Variants in STK33 observed in about 807,000 individuals in gnomAD.
The protein encoded by STK33 is serine/threonine-protein kinase 33.
STK33 carries 52 observed loss-of-function variants against 58.0 expected under a neutral mutation model. The ratio of observed to expected loss-of-function variants is 0.90; its 90% CI spans 0.72 to 1.13. The LOEUF (loss-of-function observed/expected upper bound fraction) is 1.13, where lower values mean the gene tolerates loss of function less well. STK33 is among the 50% of genes most tolerant of loss of function. STK33 has a pLI of 0.00. For synonymous variants in STK33, 215 were observed against 200.1 expected (o/e 1.07, Z -0.63); for missense variants, 630 against 604.2 (o/e 1.04, Z -0.45).
the STK33 span, among the ~76,000 whole-genome samples, chr11:8,336,830 G>C: frequency 4.6e-5 from 7 of 152,246 alleles, no homozygotes; most frequent in Non-Finnish European, 8.8e-5. Flanking sequence ...TGGGGCCCGC[G>C]GGCTGCAAGG....
intron 10 of STK33, 97 bp downstream of exon 10, chr11:8,454,647 C>A: frequency 7.3e-7 from 1 of 1,377,632 alleles, no homozygotes; most frequent in Non-Finnish European, 9.6e-7. Context: ...TCTGGCTGCT[C>A]AAAAGCTAGC....
the STK33 span, among the ~76,000 whole-genome samples, chr11:8,344,973 G>T: frequency 6.6e-6 from 1 of 152,212 alleles, no homozygotes; most frequent in Non-Finnish European, 1.5e-5. Context: ...GCCTGGCAAA[G>T]ACCCCAAGGT....
chr11:8,525,805 A>G (rs1003061272), intron 1 of STK33, among the ~76,000 whole-genome samples: 1 of 152,220 alleles, frequency 6.6e-6, no homozygotes, highest in Non-Finnish European at 1.5e-5. Context: ...AACACGTGAT[A>G]AAGAGCTTAT....
chr11:8,510,420 GT>G (rs1391014090), intron 1 of STK33, among the ~76,000 whole-genome samples: 1 of 152,130 alleles, frequency 6.6e-6, no homozygotes, highest in Non-Finnish European at 1.5e-5. Flanking sequence ...CAGATATGTA[GT>G]TGGAGAATAT....
intron 1 of STK33, among the ~76,000 whole-genome samples, chr11:8,516,082 C>G (rs1386871889): frequency 6.6e-6 from 1 of 152,158 alleles, no homozygotes; most frequent in Non-Finnish European, 1.5e-5. Context: ...CATGCAACCA[C>G]AAAAGACCAC....
intron 1 of STK33, chr11:8,565,743 G>A (rs1434556895): frequency 2.0e-5 from 3 of 152,178 alleles, no homozygotes; most frequent in African/African-American, 7.2e-5. Context: ...TGCTGCCTCT[G>A]AAGACTTCTT....
chr11:8,582,970 T>A (rs2030682487), intron 1 of STK33, among the ~76,000 whole-genome samples: 1 of 152,236 alleles, frequency 6.6e-6, no homozygotes, highest in Non-Finnish European at 1.5e-5. Context: ...ATCTGATGGA[T>A]ACTGACATGG....
At chr11:8,557,704 T>C (rs1956861725) in intron 1 of STK33, among the ~76,000 whole-genome samples, 1 of 151,746 alleles carries the variant, frequency 6.6e-6, no homozygotes, top group Non-Finnish European at 1.5e-5. Flanking sequence ...CAGCATTCAA[T>C]GAAAGATTTT....
At chr11:8,412,507 T>C (rs1454176718) in intron 15 of STK33, among the ~76,000 whole-genome samples, 1 of 152,230 alleles carries the variant, frequency 6.6e-6, no homozygotes. Flanking sequence ...ACCATGTCCC[T>C]TTCTGTAAGT....
At chr11:8,591,841 G>A (rs915678553) in intron 1 of STK33, among the ~76,000 whole-genome samples, 1 of 147,664 alleles carries the variant, frequency 6.8e-6, no homozygotes, top group Non-Finnish European at 1.5e-5. Flanking sequence ...GTTGTGGGGT[G>A]GGGGGGAGTG....
chr11:8,507,778 A>G (rs926355428), intron 1 of STK33, among the ~76,000 whole-genome samples: 3 of 152,224 alleles, frequency 2.0e-5, no homozygotes, highest in Admixed American at 6.5e-5. Flanking sequence ...ATGAGCACCT[A>G]TAATACGACT....
At chr11:8,577,322 G>A (rs981142330) in intron 1 of STK33, among the ~76,000 whole-genome samples, 1 of 151,976 alleles carries the variant, frequency 6.6e-6, no homozygotes, top group Admixed American at 6.6e-5. Flanking sequence ...ACAAAAAATA[G>A]CAGAAGGAAA....
the STK33 span, among the ~76,000 whole-genome samples, chr11:8,372,278 G>A: frequency 2.2e-5 from 3 of 137,668 alleles, no homozygotes; most frequent in African/African-American, 4.9e-5. Context: ...AACACCAATC[G>A]GGCCCTTGTA....
chr11:8,586,865 C>T (rs1261926183), intron 1 of STK33, among the ~76,000 whole-genome samples: 1 of 151,032 alleles, frequency 6.6e-6, no homozygotes, highest in Non-Finnish European at 1.5e-5. Flanking sequence ...TAGCTTGTTT[C>T]CCTCCACAAC....
chr11:8,415,636 A>C (rs986435071), intron 14 of STK33, among the ~76,000 whole-genome samples: 7 of 152,094 alleles, frequency 4.6e-5, no homozygotes, highest in Non-Finnish European at 7.4e-5. Flanking sequence ...ATTTGTCATC[A>C]CCCAAGCATA....
intron 1 of STK33, among the ~76,000 whole-genome samples, chr11:8,568,279 C>T (rs1042790370): frequency 6.6e-6 from 1 of 152,162 alleles, no homozygotes; most frequent in Non-Finnish European, 1.5e-5. Context: ...TCAATGTAAA[C>T]ATGAACTCAT....
chr11:8,494,073 A>C (rs1950858486), intron 1 of STK33, among the ~76,000 whole-genome samples: 1 of 152,224 alleles, frequency 6.6e-6, no homozygotes, highest in South Asian at 2.1e-4. Flanking sequence ...TTCCTATTCA[A>C]CAAAGTATTG....
At chr11:8,364,883 A>G in the STK33 span, among the ~76,000 whole-genome samples, 2 of 151,958 alleles carry the variant, frequency 1.3e-5, no homozygotes. Flanking sequence ...ACTCATTTCT[A>G]TTGGTTAAAG....
intron 1 of STK33, among the ~76,000 whole-genome samples, chr11:8,482,311 T>C (rs990523958): frequency 2.0e-5 from 3 of 152,210 alleles, no homozygotes; most frequent in African/African-American, 7.2e-5. Context: ...GCAAGTTTTC[T>C]ATAAGTCTGA....
Sources: allele counts gnomAD v4.1 joint callset (sites outside exome capture counted in the v4.1 genomes callset), GRCh38; gene constraint gnomAD v4.1.1; transcripts MANE v1.5; gene names NCBI Gene and HGNC (gene_info 2026-07-23, HGNC 2026-07-21).